The following ADAM2 variants were observed in gnomAD, a reference collection of about 807,000 sequenced individuals.
ADAM2 encodes ADAM metallopeptidase domain 2, also known as disintegrin and metalloproteinase domain-containing protein 2.
ADAM2 carries 101 observed loss-of-function variants against 99.3 expected under a neutral mutation model. That is an observed-to-expected ratio of 1.02 (90% CI 0.87 to 1.20). ADAM2 has a LOEUF of 1.20. Among genes scored for constraint, ADAM2 ranks in the 50% most tolerant of loss-of-function variants. The probability of loss-of-function intolerance (pLI) is 0.00; values close to 1 mark genes in which losing one functional copy is unlikely to be tolerated. For synonymous variants in ADAM2, 323 were observed against 287.6 expected (o/e 1.12, Z -1.25); for missense variants, 948 against 878.7 (o/e 1.08, Z -1.00).
intron 7 of ADAM2, among the ~76,000 whole-genome samples, chr8:39,792,225 A>G (rs1395524143): frequency 2.0e-5 from 3 of 151,762 alleles, no homozygotes; most frequent in Non-Finnish European, 4.4e-5. Flanking sequence ...AGCTGTAAAT[A>G]TTTACAAAAA....
At chr8:39,777,936 G>A (rs572335696) in intron 10 of ADAM2, among the ~76,000 whole-genome samples, 1 of 149,480 alleles carries the variant, frequency 6.7e-6, no homozygotes, top group African/African-American at 2.4e-5. Context: ...TAATATTACG[G>A]TAATAATGAC....
In ADAM2 at chr8:39,813,087, AC is replaced by A. The variant is rs1804771967; in HGVS notation, c.514-3622del. Among the ~76,000 whole-genome samples, 3 of 152,128 alleles carry A rather than the reference AC, an allele frequency of 2.0e-5. No homozygotes were observed. In the South Asian group the frequency reaches 6.2e-4, roughly 31 times the overall value. ...CAAATTTACAAGAAAAAATCAAACAACCCCATCAAAAAGTGGGTGAAGGATA... is the reference window on the plus strand; with the variant it reads ...CAAATTTACAAGAAAAAATCAAACAACCCATCAAAAAGTGGGTGAAGGATA... On this transcript the variant is annotated intron_variant, in intron 6 of 20. Transcript: ENST00000265708.
chr8:39,763,168 G>T (rs1802438485), intron 14 of ADAM2, among the ~76,000 whole-genome samples: 1 of 151,992 alleles, frequency 6.6e-6, no homozygotes, highest in Non-Finnish European at 1.5e-5. Context: ...TCTGTTACCA[G>T]GTGGCTAGGG....
At chr8:39,806,962 C>T (rs545053491) in intron 7 of ADAM2, among the ~76,000 whole-genome samples, 85 of 152,140 alleles carry the variant, frequency 5.6e-4, no homozygotes, top group Middle Eastern at 6.8e-3. Flanking sequence ...TGAAAATGAG[C>T]GCTAATAATA....
rs992426003 is a variant in ADAM2, at chr8:39,815,991, T to C, written c.513+5011A>G. Among the ~76,000 whole-genome samples, 6 of 151,874 alleles carry C rather than the reference T, an allele frequency of 4.0e-5. No homozygotes were observed. In the East Asian group the frequency reaches 7.8e-4, roughly 20 times the overall value. Reference sequence around the variant, plus strand: ...TATAATCAAAATGACTGGTAATAAATGTTGAAAAAAAAATGTGGAGGAGGT... The same window carrying C: ...TATAATCAAAATGACTGGTAATAAACGTTGAAAAAAAAATGTGGAGGAGGT... On this transcript the variant is annotated intron_variant, in intron 6 of 20. Transcript: ENST00000265708.
At chr8:39,817,618 CTGTCAG>C (rs1026711357) in intron 6 of ADAM2, among the ~76,000 whole-genome samples, 1 of 152,022 alleles carries the variant, frequency 6.6e-6, no homozygotes, top group Non-Finnish European at 1.5e-5. Context: ...TGATTATTAT[CTGTCAG>C]TTAAACATAA....
At chr8:39,817,590 AT>A (rs1279905208) in intron 6 of ADAM2, among the ~76,000 whole-genome samples, 3 of 152,172 alleles carry the variant, frequency 2.0e-5, no homozygotes, top group Non-Finnish European at 4.4e-5. Flanking sequence ...TCAAAATATC[AT>A]TTGTATCCCA....
At chr8:39,832,604 T>C (rs1313078206) in intron 3 of ADAM2, among the ~76,000 whole-genome samples, 1 of 152,226 alleles carries the variant, frequency 6.6e-6, no homozygotes, top group Non-Finnish European at 1.5e-5. Flanking sequence ...ACTTTATTGA[T>C]ATTTTACAAT....
intron 14 of ADAM2, among the ~76,000 whole-genome samples, chr8:39,761,701 G>A (rs1462146751): frequency 6.6e-6 from 1 of 152,142 alleles, no homozygotes. Flanking sequence ...CCTTAGACAA[G>A]AAATATATTG....
At chr8:39,797,158 C>T (rs1299842113) in intron 7 of ADAM2, among the ~76,000 whole-genome samples, 1 of 152,130 alleles carries the variant, frequency 6.6e-6, no homozygotes, top group East Asian at 1.9e-4. Flanking sequence ...CCTAGGTTTT[C>T]TTCTAGGGTG....
chr8:39,768,597 C>G (rs972373948), intron 12 of ADAM2, among the ~76,000 whole-genome samples: 1 of 152,150 alleles, frequency 6.6e-6, no homozygotes, highest in Non-Finnish European at 1.5e-5. Flanking sequence ...CAAATGTACT[C>G]CCTAGGTTTT....
At position 39,788,704 on chromosome 8, in the gene ADAM2, G is replaced by A. The variant is rs1228150101; in HGVS notation, c.607C>T (p.Gln203Ter). Reference protein sequence around the residue: ...HMGSDTTVVAQKVFQLIGLTN... With the variant: ...HMGSDTTVVA ...AATCCAATCAACTGGAAAACTTTTTGAGCGACAACAGTTGTATCAGACCCC... is the reference window on the plus strand; with the variant it reads ...AATCCAATCAACTGGAAAACTTTTTAAGCGACAACAGTTGTATCAGACCCC... The change falls in exon 8 of 21, where the codon CAA becomes TAA. Residue 203 changes from glutamine (Q) to a stop codon, truncating the protein, a stop_gained. Coordinates refer to ENST00000265708, the MANE Select transcript of ADAM2 (RefSeq NM_001464.5). LOFTEE classifies it high-confidence loss of function. 2 of 1,581,700 alleles carry A rather than the reference G, an allele frequency of 1.3e-6. No homozygotes were observed. Among genetic ancestry groups the A allele is most frequent in the South Asian group, 1.2e-5 (1 of 86,736 alleles).
chr8:39,784,577 T>C (rs1429061628), intron 10 of ADAM2, among the ~76,000 whole-genome samples: 1 of 152,300 alleles, frequency 6.6e-6, no homozygotes, highest in East Asian at 1.9e-4. Flanking sequence ...GAGTTCTTAC[T>C]ATGTTGCCCA....
chr8:39,827,978 T>C (rs865895983), intron 3 of ADAM2, among the ~76,000 whole-genome samples: 6 of 152,194 alleles, frequency 3.9e-5, no homozygotes, highest in South Asian at 2.1e-4. Context: ...TGTTTATATA[T>C]AATTTTTTCT....
At chr8:39,828,674 C>G (rs555165827) in intron 3 of ADAM2, among the ~76,000 whole-genome samples, 175 of 151,748 alleles carry the variant, frequency 1.2e-3, no homozygotes, top group African/African-American at 3.9e-3. Flanking sequence ...GACATTTGGA[C>G]AGATAAATTA....
intron 16 of ADAM2, among the ~76,000 whole-genome samples, chr8:39,752,790 A>G (rs538561018): frequency 1.6e-4 from 24 of 152,052 alleles, no homozygotes; most frequent in Non-Finnish European, 3.4e-4. Context: ...ATGGTTTTAT[A>G]AAGGGCAGTT....
chr8:39,748,571 A>C (rs947682819), intron 18 of ADAM2, among the ~76,000 whole-genome samples: 4 of 152,146 alleles, frequency 2.6e-5, no homozygotes, highest in Admixed American at 2.6e-4. Flanking sequence ...ATATCAAAGA[A>C]AATCTCCTGG....
At chr8:39,770,354 G>A (rs910665654) in intron 11 of ADAM2, among the ~76,000 whole-genome samples, 1 of 152,026 alleles carries the variant, frequency 6.6e-6, no homozygotes, top group Non-Finnish European at 1.5e-5. Context: ...TTGTTTCTCT[G>A]GCGTTATCAC....
In ADAM2 at chr8:39,746,526, A is replaced by G. The variant is rs768706110; in HGVS notation, c.2120T>C (p.Val707Ala). ...IIFCVLIAIM[V>A]KVNFQRKKWR... ...TTTTTTCCTTTGGAAATTAACTTTC[A>G]CCATTATAGCAATCAGTACACAGAA... The change falls in exon 19 of 21, where the codon GTG becomes GCG. Residue 707 changes from valine to alanine, a missense_variant. Transcript: ENST00000265708. The G allele has an allele frequency of 5.0e-6, 8 of 1,600,564 alleles. No individual in the cohort carries two copies. The highest frequency in any genetic ancestry group is 3.4e-5 in the South Asian group (3 of 87,706).
Sources: allele counts gnomAD v4.1 joint callset (sites outside exome capture counted in the v4.1 genomes callset), GRCh38; gene constraint gnomAD v4.1.1; transcripts MANE v1.5; gene names NCBI Gene and HGNC (gene_info 2026-07-23, HGNC 2026-07-21).